Variants in NFYA observed in about 807,000 individuals in gnomAD.
The protein encoded by NFYA is nuclear transcription factor Y subunit alpha, also known as CAAT-box DNA binding protein subunit A.
A neutral mutation model predicts 52.8 loss-of-function variants in NFYA; 28 were observed. The observed-to-expected ratio is 0.53, with a 90% confidence interval of 0.39 to 0.73. The LOEUF is 0.73. Ranked by LOEUF, NFYA falls within the 30% of genes least tolerant of loss-of-function variation. NFYA has a pLI of 0.00. For synonymous variants in NFYA, 150 were observed against 150.7 expected (o/e 1.00, Z 0.03); for missense variants, 234 against 427.0 (o/e 0.55, Z 3.98).
In NFYA at chr6:41,073,223, C is replaced by G. The variant is rs569253733; in HGVS notation, c.-62+139C>G. 4.1e-3 allele frequency: 626 copies of G among 151,588 alleles called. 4 individuals are homozygous for G. The highest frequency in any genetic ancestry group is 0.013 in the African/African-American group (558 of 41,386). The allele number at this position is 151,588 out of a possible 1,614,324, so 9.4% of individuals were successfully genotyped here. On this transcript the variant is annotated intron_variant, in intron 1 of 9. Transcript: ENST00000341376. Reference sequence around the variant, plus strand: ...AGCTGAGCCTAGCCGAGCCGGGCGGCCAGCGGCCCCGGCCCGGGGCCTGCG... The same window carrying G: ...AGCTGAGCCTAGCCGAGCCGGGCGGGCAGCGGCCCCGGCCCGGGGCCTGCG...
At chr6:41,095,947 A>G (rs1197007414) in intron 9 of NFYA, among the ~76,000 whole-genome samples, 3 of 152,202 alleles carry the variant, frequency 2.0e-5, no homozygotes, top group Non-Finnish European at 4.4e-5. Flanking sequence ...TGTTTCTTGA[A>G]TTAATAGATT....
chr6:41,073,538 A>G (rs1763609973), intron 1 of NFYA, among the ~76,000 whole-genome samples: 1 of 151,570 alleles, frequency 6.6e-6, no homozygotes, highest in South Asian at 2.1e-4. Context: ...GGCCCTTGGG[A>G]CAGGAAGCCT....
chr6:41,099,326 AAG>A lies in NFYA; in HGVS notation c.*1918_*1919del, dbSNP rs937702186. On this transcript the variant is annotated 3_prime_UTR_variant, in exon 10 of 10. Transcript: ENST00000341376. ...AGGAGTCTAAGATGCAGAGTTCAGA[AAG>A]AAATTACTCAGACCTAACTTTGAGT... 6.6e-6 allele frequency: 1 copy of A among 152,258 alleles called. No homozygotes were observed. Among genetic ancestry groups the A allele is most frequent in the Non-Finnish European group, 1.5e-5 (1 of 68,042 alleles). The allele number at this position is 152,258 out of a possible 1,614,324, so 9.4% of individuals were successfully genotyped here.
chr6:41,092,456 CTG>C (rs2113817489), intron 7 of NFYA, among the ~76,000 whole-genome samples: 1 of 152,254 alleles, frequency 6.6e-6, no homozygotes, highest in East Asian at 1.9e-4. Flanking sequence ...GTACAGGACT[CTG>C]TTACTTGTTT....
intron 4 of NFYA, among the ~76,000 whole-genome samples, chr6:41,085,564 A>G (rs1265304532): frequency 6.6e-6 from 1 of 152,194 alleles, no homozygotes; most frequent in Admixed American, 6.5e-5. Flanking sequence ...CTCTATCTAA[A>G]TGTTTATATT....
chr6:41,084,790 C>T (rs1763996945), intron 4 of NFYA, among the ~76,000 whole-genome samples: 1 of 152,158 alleles, frequency 6.6e-6, no homozygotes, highest in Admixed American at 6.5e-5. Context: ...TGACAAAACC[C>T]CATCTCTACT....
intron 4 of NFYA, among the ~76,000 whole-genome samples, chr6:41,087,541 A>G (rs111391603): frequency 1.2e-4 from 19 of 152,242 alleles, no homozygotes; most frequent in African/African-American, 4.3e-4. Context: ...TCTATGTTGA[A>G]GCAATGCTCA....
intron 1 of NFYA, among the ~76,000 whole-genome samples, chr6:41,076,854 G>T (rs1763745447): frequency 6.6e-6 from 1 of 152,158 alleles, no homozygotes; most frequent in Non-Finnish European, 1.5e-5. Flanking sequence ...CTTTACTGAA[G>T]CCAGTTGCTT....
chr6:41,085,752 A>AT (rs3840128), intron 4 of NFYA, among the ~76,000 whole-genome samples: 2,739 of 146,242 alleles, frequency 0.019, 32 homozygotes, highest in Non-Finnish European at 0.027. Flanking sequence ...TTGTGTTTTC[A>AT]TTTTTTTTTT....
chr6:41,073,949 G>A (rs1317720608), intron 1 of NFYA, among the ~76,000 whole-genome samples: 1 of 151,536 alleles, frequency 6.6e-6, no homozygotes, highest in Non-Finnish European at 1.5e-5. Flanking sequence ...CGGGCTGTAA[G>A]ACCAGTCCAT....
In NFYA at chr6:41,098,244, C is replaced by T. The variant is rs1033707930; in HGVS notation, c.*834C>T. On this transcript the variant is annotated 3_prime_UTR_variant, in exon 10 of 10. Coordinates refer to ENST00000341376, the MANE Select transcript of NFYA (RefSeq NM_002505.5). ...AGAGAACAAGACTATTCAACAACTTCTTTGCTGAAGCACTGAGGAGATTTG... is the reference window on the plus strand; with the variant it reads ...AGAGAACAAGACTATTCAACAACTTTTTTGCTGAAGCACTGAGGAGATTTG... The T allele has an allele frequency of 6.6e-6, 1 of 152,578 alleles. No individual in the cohort carries two copies. The highest frequency in any genetic ancestry group is 1.5e-5 in the Non-Finnish European group (1 of 68,044). The allele number at this position is 152,578 out of a possible 1,614,324, so 9.5% of individuals were successfully genotyped here.
At chr6:41,076,264 A>G (rs987105815) in intron 1 of NFYA, among the ~76,000 whole-genome samples, 2 of 152,198 alleles carry the variant, frequency 1.3e-5, no homozygotes, top group African/African-American at 4.8e-5. Context: ...AAAGAATAGA[A>G]AATACCAAAG....
chr6:41,097,369 G>A lies in NFYA; in HGVS notation c.1003G>A (p.Ala335Thr), dbSNP rs1764389536. Residue 335 changes from alanine to threonine, a missense_variant, in exon 10 of 10, where the codon GCC becomes ACC. Coordinates refer to ENST00000341376, the MANE Select transcript of NFYA (RefSeq NM_002505.5). The stretch of plus-strand genomic sequence containing the variant: ...TCTTTGTCTCTAGGATCCAAACCAA[G>A]CCGATGAAGAAGCAATGACACAGAT... ...DSPHMQDPNQADEEAMTQIIR... is the reference protein window; with the variant it reads ...DSPHMQDPNQTDEEAMTQIIR... The A allele has an allele frequency of 6.2e-7, 1 of 1,613,838 alleles. No individual in the cohort carries two copies. The highest frequency in any genetic ancestry group is 8.5e-7 in the Non-Finnish European group (1 of 1,179,902).
intron 3 of NFYA, among the ~76,000 whole-genome samples, chr6:41,082,647 C>G (rs1254165748): frequency 2.0e-5 from 3 of 152,088 alleles, no homozygotes; most frequent in African/African-American, 7.2e-5. Context: ...ATAATAGAAA[C>G]CTTTCCTCTA....
chr6:41,075,155 T>G (rs1284328042), intron 1 of NFYA: 1 of 152,214 alleles, frequency 6.6e-6, no homozygotes, highest in Non-Finnish European at 1.5e-5. Context: ...GCTTAAGTAG[T>G]CTAAAAAACA....
chr6:41,076,483 T>C (rs1270081712), intron 1 of NFYA, among the ~76,000 whole-genome samples: 1 of 152,218 alleles, frequency 6.6e-6, no homozygotes, highest in Non-Finnish European at 1.5e-5. Context: ...ATGCTTACAC[T>C]AGTTGAGTTT....
At position 41,090,302 on chromosome 6, in the gene NFYA, C is replaced by T. The variant is rs748246560; in HGVS notation, c.540C>T (p.Leu180=). Reference sequence around the variant, plus strand: ...CAGTTAATGCAGATGGCACCATTCTCCAGCAAGGTAAGTGTACCCATAAGC... The same window carrying T: ...CAGTTAATGCAGATGGCACCATTCTTCAGCAAGGTAAGTGTACCCATAAGC... ...YQPVNADGTI[L]QQVTVPVSGM... Residue 180 remains leucine (L), a synonymous_variant, in exon 6 of 10, where the codon CTC becomes CTT. Coordinates refer to ENST00000341376, the MANE Select transcript of NFYA (RefSeq NM_002505.5). 7.4e-6 allele frequency: 12 copies of T among 1,612,620 alleles called. No homozygotes were observed. In the South Asian group the frequency reaches 1.1e-4, roughly 15 times the overall value.
chr6:41,094,548 T>A, intron 9 of NFYA, 51 bp downstream of exon 9: 1 of 1,440,950 alleles, frequency 6.9e-7, no homozygotes, highest in Non-Finnish European at 9.8e-7. Context: ...TGTATTGACT[T>A]GAGTTGAAGC....
intron 4 of NFYA, among the ~76,000 whole-genome samples, chr6:41,089,247 G>C (rs1561854390): frequency 6.6e-6 from 1 of 152,206 alleles, no homozygotes; most frequent in Non-Finnish European, 1.5e-5. Context: ...GCCTTCCAAA[G>C]TGCAAGGATT....
Sources: gnomAD v4.1 joint callset for allele counts (sites outside exome capture counted in the v4.1 genomes callset) on GRCh38, gnomAD v4.1.1 for gene constraint, MANE v1.5 for transcripts, NCBI Gene and HGNC (gene_info 2026-07-23, HGNC 2026-07-21) for gene names.